DENND4A: variants seen among roughly 807,000 people sequenced by gnomAD.
DENND4A encodes C-myc promoter-binding protein.
Under a neutral mutation model 199.3 loss-of-function variants are expected in DENND4A, and 70 were observed. The observed-to-expected ratio is 0.35, with a 90% confidence interval of 0.29 to 0.43. DENND4A has a LOEUF of 0.43. DENND4A is among the 20% of genes least tolerant of loss of function. The probability of loss-of-function intolerance (pLI) is 1.00; values close to 1 mark genes in which losing one functional copy is unlikely to be tolerated. For missense variants in DENND4A, 1,723 were observed against 2,255.8 expected (o/e 0.76, Z 4.78); for synonymous variants, 686 against 766.9 (o/e 0.89, Z 1.74).
At chr15:65,707,376 T>C (rs1363904567) in intron 14 of DENND4A, among the ~76,000 whole-genome samples, 1 of 152,166 alleles carries the variant, frequency 6.6e-6, no homozygotes, top group Admixed American at 6.5e-5. Context: ...CAAGAATTAT[T>C]AAGTAGTTAA....
At chr15:65,695,251 A>G (rs2077104593) in intron 22 of DENND4A, among the ~76,000 whole-genome samples, 1 of 152,216 alleles carries the variant, frequency 6.6e-6, no homozygotes, top group Admixed American at 6.5e-5. Context: ...TTTGCAGGCC[A>G]TGTGGTCTCT....
At chr15:65,699,710 C>CG in intron 20 of DENND4A, among the ~76,000 whole-genome samples, 1 of 148,786 alleles carries the variant, frequency 6.7e-6, no homozygotes, top group Admixed American at 6.7e-5. Flanking sequence ...GACAGGGTCT[C>CG]GCTCTGTCAC....
intron 3 of DENND4A, among the ~76,000 whole-genome samples, chr15:65,754,391 C>T (rs1156710215): frequency 6.6e-6 from 1 of 152,146 alleles, no homozygotes; most frequent in Non-Finnish European, 1.5e-5. Flanking sequence ...CTGTTACTAG[C>T]TGCAGTTCTG....
At chr15:65,738,608 T>C in intron 6 of DENND4A, 98 bp downstream of exon 6, 1 of 1,047,190 alleles carries the variant, frequency 9.5e-7, no homozygotes, top group Non-Finnish European at 1.4e-6. Context: ...TGCATAATCA[T>C]TCAATTTAAT....
At chr15:65,703,662 G>C (rs2074948650) in intron 15 of DENND4A, among the ~76,000 whole-genome samples, 2 of 152,138 alleles carry the variant, frequency 1.3e-5, no homozygotes, top group Admixed American at 1.3e-4. Context: ...AGATGCTCTG[G>C]ACATTTCAAA....
chr15:65,725,490 T>G (rs567422462), intron 11 of DENND4A, among the ~76,000 whole-genome samples: 1 of 152,034 alleles, frequency 6.6e-6, no homozygotes, highest in Admixed American at 6.5e-5. Context: ...TCCTGGCTAA[T>G]GCGGTGAAAC....
intron 1 of DENND4A, among the ~76,000 whole-genome samples, chr15:65,775,187 A>T (rs940573404): frequency 2.6e-5 from 4 of 151,950 alleles, no homozygotes; most frequent in African/African-American, 4.8e-5. Flanking sequence ...CTACAAAAAA[A>T]TTTTTTTAAT....
At chr15:65,727,850 C>T (rs926569968) in intron 11 of DENND4A, 7 of 394,800 alleles carry the variant, frequency 1.8e-5, no homozygotes, top group Non-Finnish European at 2.9e-5. Flanking sequence ...AAAATAGTTC[C>T]GATAGCTATA....
chr15:65,740,964 C>G (rs762220947), intron 5 of DENND4A, among the ~76,000 whole-genome samples: 4 of 151,778 alleles, frequency 2.6e-5, no homozygotes, highest in Admixed American at 6.6e-5. Flanking sequence ...CCCGTACCCC[C>G]CCCAAAAAAA....
chr15:65,746,915 G>A (rs2076415886), intron 4 of DENND4A, among the ~76,000 whole-genome samples: 1 of 150,272 alleles, frequency 6.7e-6, no homozygotes, highest in African/African-American at 2.4e-5. Context: ...TAAAAAAATG[G>A]TAAAACCCTG....
At chr15:65,715,285 A>C (rs2075365021) in intron 14 of DENND4A, 193 bp downstream of exon 14, 2 of 465,026 alleles carry the variant, frequency 4.3e-6, no homozygotes, top group Middle Eastern at 5.8e-4. Flanking sequence ...TTGTAGTAAA[A>C]TTCTACAAGG....
intron 14 of DENND4A, chr15:65,715,217 A>T (rs904815004): frequency 4.0e-6 from 1 of 249,520 alleles, no homozygotes; most frequent in African/African-American, 2.3e-5. Flanking sequence ...TGGTTTTGTA[A>T]GTGGACAGGG....
chr15:65,696,494 G>T lies in DENND4A; in HGVS notation c.2954C>A (p.Ser985Ter). 1.2e-6 allele frequency: 2 copies of T among 1,608,232 alleles called. No individual in the cohort carries two copies. Among genetic ancestry groups the T allele is most frequent in the South Asian group, 2.2e-5 (2 of 90,640 alleles). The change falls in exon 22 of 33, where the codon TCA becomes TAA. Residue 985 changes from serine to a stop codon, truncating the protein, a stop_gained. Transcript: ENST00000443035. LOFTEE classifies it high-confidence loss of function. ...ACTTCCTTTTGTACTCTCACTCTCT[G>T]ACACTGTAAAGATGAAAATGAAAAT... Reference protein sequence around the residue: ...DKKGSDCSSLSESESTKGSAD... With the variant: ...DKKGSDCSSL
chr15:65,708,397 T>A lies in DENND4A; in HGVS notation c.1954-2173A>T, dbSNP rs546932990. On this transcript the variant is annotated intron_variant, in intron 14 of 32. Transcript: ENST00000443035. ...GCCTACTTTCCATTCTCTAGCCATA[T>A]TGTTCTCATAGAAAAGTGTGGGGTC... Among the ~76,000 whole-genome samples the A allele has an allele frequency of 2.6e-5, 4 of 152,292 alleles. No homozygotes were observed. The South Asian group carries it at 8.3e-4, about 32-fold the overall frequency.
At chr15:65,674,482 G>A (rs936600814) in intron 24 of DENND4A, among the ~76,000 whole-genome samples, 3 of 152,206 alleles carry the variant, frequency 2.0e-5, no homozygotes, top group Admixed American at 1.3e-4. Context: ...TAAAAGTATA[G>A]CTGAGTGTGG....
Position 65,660,365 on chromosome 15 carries a change from C to G in DENND4A, c.*1486G>C. On this transcript the variant is annotated 3_prime_UTR_variant, in exon 33 of 33. Coordinates refer to ENST00000443035, the MANE Select transcript of DENND4A (RefSeq NM_001320835.1). ...TGGGTTTTCTGCAGCTGAACTGATTCTAAGTCTCAGGACTCCAAGATACCT... is the reference window on the plus strand; with the variant it reads ...TGGGTTTTCTGCAGCTGAACTGATTGTAAGTCTCAGGACTCCAAGATACCT... The G allele has an allele frequency of 2.7e-6, 4 of 1,468,434 alleles. No homozygotes were observed. Among genetic ancestry groups the G allele is most frequent in the South Asian group, 1.2e-5 (1 of 82,506 alleles). 91.0% of individuals were successfully genotyped at this position (1,468,434 alleles called of 1,614,324 possible). A position where few individuals can be genotyped will look rare whatever the true frequency, so the allele number is the denominator to read the frequency against.
chr15:65,663,164 A>ATATG (rs1555410309), intron 32 of DENND4A, among the ~76,000 whole-genome samples: 1 of 129,618 alleles, frequency 7.7e-6, no homozygotes, highest in Non-Finnish European at 1.6e-5. Context: ...TTTTATATAT[A>ATATG]TGTGTGTGTG....
Position 65,701,802 on chromosome 15 carries a change from C to A in DENND4A, c.2519G>T (p.Gly840Val). 6.2e-7 allele frequency: 1 copy of A among 1,613,780 alleles called. No homozygotes were observed. The highest frequency in any genetic ancestry group is 8.5e-7 in the Non-Finnish European group (1 of 1,179,768). ...ATAAGTAATGGCATTGGGGTCAATA[C>A]CAGCTTTCTGCATTTCAAAAAGCAC... ...VRVLFEMQKA[G>V]IDPNAITYGY... Residue 840 changes from glycine to valine, a missense_variant, in exon 18 of 33, where the codon GGT (glycine) becomes GTT (valine). Physicochemically the swap from Gly to Val is moderately radical, Grantham distance 109. This residue lies in a region of DENND4A where 36 missense variants were observed against 85.7 expected (regional missense o/e 0.42). Transcript: ENST00000443035.
rs2076929717 is a variant in DENND4A at position 65,690,345 on chromosome 15, G to GT, written c.4179+69dup. The stretch of plus-strand genomic sequence containing the variant: ...ATGTTTAGAAGAATAGTTAAAACGA[G>GT]TAAGGGGCTTTTGGTGGTGATGGAT... On this transcript the variant is annotated intron_variant, in intron 23 of 32. Transcript: ENST00000443035. 8 of 1,425,256 alleles carry GT rather than the reference G, an allele frequency of 5.6e-6. No individual in the cohort carries two copies. The East Asian group carries it at 1.8e-4, about 33-fold the overall frequency. The allele number at this position is 1,425,256 out of a possible 1,614,324, so 88.3% of individuals were successfully genotyped here.
Sources: allele counts gnomAD v4.1 joint callset (sites outside exome capture counted in the v4.1 genomes callset), GRCh38; gene constraint gnomAD v4.1.1; regional missense constraint gnomAD v4.1.1; transcripts MANE v1.5; gene names NCBI Gene and HGNC (gene_info 2026-07-23, HGNC 2026-07-21).